Variants in NHS observed in about 807,000 individuals in gnomAD.
NHS encodes the protein actin remodeling regulator NHS.
A neutral mutation model predicts 72.5 loss-of-function variants in NHS; 5 were observed. The observed-to-expected ratio is 0.07, with a 90% CI of 0.04 to 0.14. NHS has a LOEUF of 0.14. Ranked by LOEUF, NHS falls within the 10% of genes least tolerant of loss-of-function variation. The probability of loss-of-function intolerance (pLI) is 1.00; values close to 1 mark genes in which losing one functional copy is unlikely to be tolerated. For missense variants in NHS, 1,072 were observed against 1,355.7 expected, an observed-to-expected ratio of 0.79 and a Z score of 3.29; for synonymous variants, 464 against 547.7, an observed-to-expected ratio of 0.85 and a Z score of 2.13.
At chrX:17,616,983 A>C (rs2065750742) in intron 1 of NHS, among the ~76,000 whole-genome samples, 1 of 112,000 alleles carries the variant, frequency 8.9e-6, no homozygotes, top group South Asian at 3.7e-4. Flanking sequence ...TTGTAAAAGA[A>C]AAAAAAGTGT....
rs184533428 is a variant in NHS at position 17,706,720 on chromosome X, G to A, written c.853-12624G>A. Among the ~76,000 whole-genome samples the A allele has an allele frequency of 2.9e-3, 330 of 111,907 alleles. 2 individuals carry two copies. The highest frequency in any genetic ancestry group is 4.9e-3 in the Non-Finnish European group (261 of 53,213). On this transcript the variant is annotated intron_variant, in intron 3 of 8. Coordinates refer to ENST00000676302, the MANE Select transcript of NHS (RefSeq NM_001291867.2). ...TGATTAAAAGCTGTCACGGTATTGAGCACTTTGGCTCCACGCACACTGTCA... is the reference window on the plus strand; with the variant it reads ...TGATTAAAAGCTGTCACGGTATTGAACACTTTGGCTCCACGCACACTGTCA...
At chrX:17,441,101 G>T (rs2064750867) in intron 1 of NHS, among the ~76,000 whole-genome samples, 1 of 112,045 alleles carries the variant, frequency 8.9e-6, no homozygotes, top group South Asian at 3.7e-4. Context: ...CTGGAAATGT[G>T]TATTCTTTTC....
At chrX:17,559,521 T>G (rs1211284681) in intron 1 of NHS, among the ~76,000 whole-genome samples, 2 of 112,283 alleles carry the variant, frequency 1.8e-5, no homozygotes, top group East Asian at 5.6e-4. Flanking sequence ...ATTTATGAAT[T>G]ATATGCACGT....
intron 1 of NHS, among the ~76,000 whole-genome samples, chrX:17,449,050 T>C (rs1291654173): frequency 8.9e-6 from 1 of 112,609 alleles, no homozygotes; most frequent in Admixed American, 9.4e-5. Flanking sequence ...TATGAAGAAA[T>C]TTACCTGAGG....
intron 1 of NHS, among the ~76,000 whole-genome samples, chrX:17,616,433 G>T (rs1248619274): frequency 3.6e-5 from 4 of 112,593 alleles, no homozygotes; most frequent in Non-Finnish European, 7.5e-5. Flanking sequence ...GCAAAACACA[G>T]ATGTCATTTA....
intron 1 of NHS, among the ~76,000 whole-genome samples, chrX:17,465,891 C>T (rs1250599314): frequency 8.9e-6 from 1 of 112,647 alleles, no homozygotes; most frequent in Non-Finnish European, 1.9e-5. Flanking sequence ...CCCTCCTTGC[C>T]CCTGGGGAAG....
chrX:17,680,595 C>T (rs1349686574), intron 1 of NHS, among the ~76,000 whole-genome samples: 2 of 112,801 alleles, frequency 1.8e-5, no homozygotes, highest in Non-Finnish European at 3.7e-5. Flanking sequence ...CCAGTCTGCT[C>T]TATTTTATTT....
intron 3 of NHS, among the ~76,000 whole-genome samples, chrX:17,693,513 T>G (rs1449742430): frequency 8.9e-6 from 1 of 112,508 alleles, no homozygotes; most frequent in Non-Finnish European, 1.9e-5. Flanking sequence ...CTCTAAATTG[T>G]GCACTCTTAC....
chrX:17,537,952 C>T (rs576116484), intron 1 of NHS, among the ~76,000 whole-genome samples: 12 of 111,851 alleles, frequency 1.1e-4, no homozygotes, highest in African/African-American at 3.9e-4. Flanking sequence ...CCAGCACATC[C>T]ACAGGAAGGG....
chrX:17,563,431 C>T (rs961757074), intron 1 of NHS, among the ~76,000 whole-genome samples: 3 of 112,582 alleles, frequency 2.7e-5, no homozygotes, highest in Non-Finnish European at 3.7e-5. Flanking sequence ...TGGAGGCCAA[C>T]GGCCCTTCTG....
rs1348224471 is a variant in NHS at position 17,678,103 on chromosome X, T to C, written c.566-9639T>C. ...GCCACTGCGTTTGGCCAAATTCTTTTATTTTTAAAAAGCAGTATACAATAG... is the reference window on the plus strand; with the variant it reads ...GCCACTGCGTTTGGCCAAATTCTTTCATTTTTAAAAAGCAGTATACAATAG... On this transcript the variant is annotated intron_variant, in intron 1 of 8. Transcript: ENST00000676302. Among the ~76,000 whole-genome samples the C allele has an allele frequency of 2.7e-5, 3 of 111,946 alleles. No homozygotes were observed. In the East Asian group the frequency reaches 8.4e-4, roughly 31 times the overall value.
intron 1 of NHS, among the ~76,000 whole-genome samples, chrX:17,381,064 A>T (rs1458625497): frequency 2.7e-5 from 3 of 110,845 alleles, no homozygotes; most frequent in Non-Finnish European, 5.7e-5. Flanking sequence ...TGTCTCAGGG[A>T]GGGAACGTGA....
intron 1 of NHS, among the ~76,000 whole-genome samples, chrX:17,654,323 C>A (rs1483024730): frequency 9.0e-6 from 1 of 111,344 alleles, no homozygotes; most frequent in Admixed American, 9.5e-5. Context: ...GCCATGCCAT[C>A]TCCTCCCACC....
At chrX:17,694,645 C>T (rs774415946) in intron 3 of NHS, among the ~76,000 whole-genome samples, 16 of 112,221 alleles carry the variant, frequency 1.4e-4, no homozygotes, top group Non-Finnish European at 1.7e-4. Flanking sequence ...CTGTATGACC[C>T]TGGCAAGTTA....
At chrX:17,652,611 T>C (rs2147085604) in intron 1 of NHS, among the ~76,000 whole-genome samples, 1 of 111,421 alleles carries the variant, frequency 9.0e-6, no homozygotes, top group South Asian at 3.8e-4. Context: ...GAGAGTCTGG[T>C]TAATGAATTT....
intron 1 of NHS, among the ~76,000 whole-genome samples, chrX:17,613,353 C>T (rs945941331): frequency 1.8e-5 from 2 of 111,513 alleles, no homozygotes; most frequent in Non-Finnish European, 3.8e-5. Context: ...AAGGTAGTGT[C>T]CCAGTGTTTC....
At chrX:17,445,851 A>AC (rs1402029457) in intron 1 of NHS, among the ~76,000 whole-genome samples, 3 of 108,497 alleles carry the variant, frequency 2.8e-5, no homozygotes, top group Non-Finnish European at 5.7e-5. Flanking sequence ...AAAAAAAAAA[A>AC]AACAACAACT....
At position 17,638,524 on chromosome X, in the gene NHS, T is replaced by G. The variant is rs746611620; in HGVS notation, c.566-49218T>G. Among the ~76,000 whole-genome samples the G allele has an allele frequency of 2.1e-3, 236 of 112,005 alleles. 1 individual carries two copies. The Middle Eastern group carries it at 0.032, about 15-fold the overall frequency. Reference sequence around the variant, plus strand: ...ATTGTTATTGGTTTCATCCTCTGAATAGTTAGTTTTGGGCAAGACAGCATG... The same window carrying G: ...ATTGTTATTGGTTTCATCCTCTGAAGAGTTAGTTTTGGGCAAGACAGCATG... On this transcript the variant is annotated intron_variant, in intron 1 of 8. Coordinates refer to ENST00000676302, the MANE Select transcript of NHS (RefSeq NM_001291867.2).
chrX:17,378,020 G>A (rs1180505086), intron 1 of NHS, among the ~76,000 whole-genome samples: 2 of 109,996 alleles, frequency 1.8e-5, no homozygotes, highest in Non-Finnish European at 3.8e-5. Flanking sequence ...AAGAACTGGA[G>A]GGAAGTTTTG....
Sources: gnomAD v4.1 joint callset for allele counts (sites outside exome capture counted in the v4.1 genomes callset) on GRCh38, gnomAD v4.1.1 for gene constraint, MANE v1.5 for transcripts, NCBI Gene and HGNC (gene_info 2026-07-23, HGNC 2026-07-21) for gene names.